FAT1: variants seen among roughly 807,000 people sequenced by gnomAD.
FAT1 encodes the protein protocadherin Fat 1.
FAT1 carries 171 observed loss-of-function variants against 329.8 expected under a neutral mutation model. The ratio of observed to expected loss-of-function variants is 0.52; its 90% confidence interval spans 0.46 to 0.59. The LOEUF (loss-of-function observed/expected upper bound fraction) is 0.59, where lower values mean the gene tolerates loss of function less well. Ranked by LOEUF, FAT1 falls within the 20% of genes least tolerant of loss-of-function variation. The pLI is 0.00. For synonymous variants in FAT1, 2,233 were observed against 2,228.6 expected (o/e 1.00, Z -0.06); for missense variants, 5,672 against 5,774.4 (o/e 0.98, Z 0.57).
intron 3 of FAT1, among the ~76,000 whole-genome samples, chr4:186,644,672 C>G (rs1322543838): frequency 8.1e-6 from 1 of 123,342 alleles, no homozygotes; most frequent in Non-Finnish European, 1.8e-5. Flanking sequence ...GTCAGATCAG[C>G]TATGTTTCAA....
intron 2 of FAT1, among the ~76,000 whole-genome samples, chr4:186,699,363 A>G (rs2126671837): frequency 6.6e-6 from 1 of 152,376 alleles, no homozygotes; most frequent in East Asian, 1.9e-4. Flanking sequence ...AAAGAATCCC[A>G]TTCAACAGGT....
At chr4:186,637,031 GACA>G (rs1435771913) in intron 4 of FAT1, 117 bp from the exon 5 acceptor site, 2 of 879,976 alleles carry the variant, frequency 2.3e-6, no homozygotes, top group African/African-American at 6.0e-5. Flanking sequence ...AGGGCACGAT[GACA>G]ACATACACAG....
At chr4:186,699,694 GAAA>G (rs35718096) in intron 2 of FAT1, among the ~76,000 whole-genome samples, 2 of 123,344 alleles carry the variant, frequency 1.6e-5, no homozygotes, top group East Asian at 2.3e-4. Flanking sequence ...TCTGCTGTTT[GAAA>G]AAAAAAAAAA....
At chr4:186,666,919 G>A (rs577324824) in intron 2 of FAT1, among the ~76,000 whole-genome samples, 1 of 152,312 alleles carries the variant, frequency 6.6e-6, no homozygotes, top group African/African-American at 2.4e-5. Flanking sequence ...CATCTTCAGC[G>A]CCAGCAATAT....
In FAT1 at chr4:186,693,094, C is replaced by T. The variant is rs184464022; in HGVS notation, c.3265+13469G>A. ...ACGTTCTAGTTTAAATGGAAATGTG[C>T]TAAAAATAACTTGAAGATATACTGT... On this transcript the variant is annotated intron_variant, in intron 2 of 26. Transcript: ENST00000441802. Among the ~76,000 whole-genome samples, 171 of 152,238 alleles carry T rather than the reference C, an allele frequency of 1.1e-3. 1 individual carries two copies. Among genetic ancestry groups the T allele is most frequent in the Admixed American group, 2.2e-3 (34 of 15,294 alleles).
At position 186,603,741 on chromosome 4, in the gene FAT1, T is replaced by C. The variant is rs1408624772; in HGVS notation, c.10785A>G (p.Thr3595=). Residue 3595 remains threonine (T), a synonymous_variant, in exon 19 of 27, where the codon ACA becomes ACG. Transcript: ENST00000441802. ...TTTTGTGTGCTATCAGCTTGCCCCC[T>C]GTGCTGGAAACAGAGAACAGGTTGT... ...QMDNLFSVSS[T]GGKLIAHKKL... 2 of 1,613,864 alleles carry C rather than the reference T, an allele frequency of 1.2e-6. No homozygotes were observed. Among genetic ancestry groups the C allele is most frequent in the East Asian group, 4.5e-5 (2 of 44,874 alleles).
In FAT1 at chr4:186,588,740, TAC is replaced by T; in HGVS notation, c.13617_13618del (p.Tyr4540ArgfsTer8). ...GTCAGAGCAGGAGGCGGTGGAGGCGTACACAGACATGGGCATGCTCTCGACAG... is the reference window on the plus strand; with the variant it reads ...GTCAGAGCAGGAGGCGGTGGAGGCGTACAGACATGGGCATGCTCTCGACAG... On this transcript the variant is annotated frameshift_variant, in exon 27 of 27. Coordinates refer to ENST00000441802, the MANE Select transcript of FAT1 (RefSeq NM_005245.4). LOFTEE classifies it high-confidence loss of function. 20 of 1,613,896 alleles carry T rather than the reference TAC, an allele frequency of 1.2e-5. No individual in the cohort carries two copies. Among genetic ancestry groups the T allele is most frequent in the Non-Finnish European group, 1.6e-5 (19 of 1,179,866 alleles).
intron 2 of FAT1, among the ~76,000 whole-genome samples, chr4:186,698,893 C>T (rs1312394807): frequency 6.6e-6 from 1 of 152,256 alleles, no homozygotes; most frequent in Non-Finnish European, 1.5e-5. Flanking sequence ...ACACCATAAA[C>T]TACATCAACT....
chr4:186,639,441 C>T (rs911326803), intron 4 of FAT1, among the ~76,000 whole-genome samples: 3 of 152,166 alleles, frequency 2.0e-5, no homozygotes, highest in Non-Finnish European at 4.4e-5. Flanking sequence ...GTTTATAGAT[C>T]TGTTCGCCCC....
chr4:186,617,651 T>A (rs1481399948), intron 10 of FAT1, 57 bp downstream of exon 10: 5 of 1,404,114 alleles, frequency 3.6e-6, no homozygotes, highest in Non-Finnish European at 4.8e-6. Flanking sequence ...TCTTATACTT[T>A]ATGCTTCTAA....
chr4:186,672,980 A>G (rs767607587), intron 2 of FAT1, among the ~76,000 whole-genome samples: 1 of 152,224 alleles, frequency 6.6e-6, no homozygotes, highest in Non-Finnish European at 1.5e-5. Context: ...GAATGGACTT[A>G]TTATATGATG....
Position 186,618,707 on chromosome 4 carries a change from A to C in FAT1, c.7879T>G (p.Ser2627Ala). The change falls in exon 10 of 27, where the codon TCC becomes GCC. Residue 2627 changes from serine (S) to alanine (A), a missense_variant. By Grantham distance (99) the Ser-to-Ala change is moderately conservative. Around this residue, in one of 2 missense-constraint regions of FAT1, gnomAD observed 3,966 missense variants for 3,915.2 expected, o/e 1.01. Transcript: ENST00000441802. Reference protein sequence around the residue: ...KVLASDADEGSNADITYAIEA... With the variant: ...KVLASDADEGANADITYAIEA... ...ATGGCATAGGTGATGTCGGCATTGG[A>C]GCCCTCATCGGCATCACTTGCAAGA... 1 of 1,613,978 alleles carries C rather than the reference A, an allele frequency of 6.2e-7. No individual in the cohort carries two copies. Among genetic ancestry groups the C allele is most frequent in the Non-Finnish European group, 8.5e-7 (1 of 1,179,880 alleles).
chr4:186,675,175 A>G (rs1027121991), intron 2 of FAT1, among the ~76,000 whole-genome samples: 11 of 152,208 alleles, frequency 7.2e-5, no homozygotes, highest in Admixed American at 7.2e-4. Flanking sequence ...ACTGTTATTA[A>G]CTATAAAAAA....
rs1738625101 is a variant in FAT1, at chr4:186,598,124, A to G, written c.12105T>C (p.Gly4035=). The G allele has an allele frequency of 6.3e-7, 1 of 1,596,828 alleles. No homozygotes were observed. Among genetic ancestry groups the G allele is most frequent in the African/African-American group, 1.4e-5 (1 of 73,928 alleles). The part of the protein sequence containing the change: ...GGVCNPSPAG[G]YYCKCSALYI... ...ACAAGGCACTGCATTTGCAGTAATA[A>G]CCTAAATCGGCAAAAAGGAACAAAA... Residue 4035 remains glycine, a splice_region_variant and synonymous_variant, in exon 23 of 27, where the codon GGT becomes GGC. Transcript: ENST00000441802.
rs781635593 is a variant in FAT1, at chr4:186,620,394, G to T, written c.6192C>A (p.His2064Gln). 6.2e-7 allele frequency: 1 copy of T among 1,613,946 alleles called. No homozygotes were observed. The highest frequency in any genetic ancestry group is 8.5e-7 in the Non-Finnish European group (1 of 1,179,894). The change falls in exon 10 of 27, where the codon CAC becomes CAA. Residue 2064 changes from histidine to glutamine, a missense_variant. His to Gln is a conservative substitution (Grantham distance 24). Coordinates refer to ENST00000441802, the MANE Select transcript of FAT1 (RefSeq NM_005245.4). ...CTTCTACAATGACCTTCACGACAAC[G>T]TGGGCCACTGCAGAAGGCTTATGTT... ...TEEHKPSAVA[H>Q]VVVKVIVEDQ...
intron 9 of FAT1, among the ~76,000 whole-genome samples, chr4:186,623,980 T>C (rs1455072519): frequency 6.6e-6 from 1 of 152,120 alleles, no homozygotes; most frequent in Non-Finnish European, 1.5e-5. Context: ...CCCACATCCA[T>C]ATAGATTAAG....
intron 2 of FAT1, among the ~76,000 whole-genome samples, chr4:186,681,446 T>C (rs992411433): frequency 2.0e-5 from 3 of 152,310 alleles, no homozygotes; most frequent in South Asian, 4.1e-4. Context: ...GATGCTATTA[T>C]TCAAGACAGA....
chr4:186,700,229 G>T (rs1274049288), intron 2 of FAT1, among the ~76,000 whole-genome samples: 1 of 152,176 alleles, frequency 6.6e-6, no homozygotes, highest in Admixed American at 6.5e-5. Context: ...CTTAAACATG[G>T]TTTCCACAAG....
chr4:186,628,935 T>C (rs1740454717), intron 7 of FAT1, among the ~76,000 whole-genome samples, 172 bp from the exon 8 acceptor site: 1 of 152,234 alleles, frequency 6.6e-6, no homozygotes. Flanking sequence ...TTCTCATTGG[T>C]ATATTACTTA....
Sources: gnomAD v4.1 joint callset for allele counts (sites outside exome capture counted in the v4.1 genomes callset) on GRCh38, gnomAD v4.1.1 for gene constraint, gnomAD v4.1.1 regional missense constraint, MANE v1.5 for transcripts, NCBI Gene and HGNC (gene_info 2026-07-23, HGNC 2026-07-21) for gene names.